Variants in GRIA3 observed in about 807,000 individuals in gnomAD.
GRIA3 encodes the protein glutamate receptor 3.
A neutral mutation model predicts 63.0 loss-of-function variants in GRIA3; 3 were observed. The ratio of observed to expected loss-of-function variants is 0.05; its 90% CI spans 0.02 to 0.12. The LOEUF (loss-of-function observed/expected upper bound fraction) is 0.12, where lower values mean the gene tolerates loss of function less well. Ranked by LOEUF, GRIA3 falls within the 10% of genes least tolerant of loss-of-function variation. GRIA3 has a pLI of 1.00. For missense variants in GRIA3, 347 were observed against 700.9 expected (o/e 0.50, Z 5.70); for synonymous variants, 274 against 257.9 (o/e 1.06, Z -0.60).
chrX:123,262,554 T>C lies in GRIA3; in HGVS notation c.508+9012T>C, dbSNP rs770736823. Among the ~76,000 whole-genome samples the C allele has an allele frequency of 2.6e-4, 29 of 112,327 alleles. 1 individual carries two copies. The South Asian group carries it at 0.01, about 40-fold the overall frequency. On this transcript the variant is annotated intron_variant, in intron 3 of 15. Transcript: ENST00000620443. The stretch of plus-strand genomic sequence containing the variant: ...TGGCAGTGAACCAATCTAGCATTTA[T>C]TGAGTGTCTCTTACTATGCCTAGAT...
At chrX:123,466,095 T>C (rs1424886000) in intron 13 of GRIA3, among the ~76,000 whole-genome samples, 1 of 111,333 alleles carries the variant, frequency 9.0e-6, no homozygotes, top group East Asian at 2.8e-4. Flanking sequence ...CTTTCAAGAG[T>C]CCAAGGCTTT....
At chrX:123,333,623 G>T (rs1382173767) in intron 4 of GRIA3, among the ~76,000 whole-genome samples, 1 of 111,763 alleles carries the variant, frequency 8.9e-6, no homozygotes. Flanking sequence ...GAAAAGCCTA[G>T]AACTTATTTT....
chrX:123,254,492 G>T (rs1357108294), intron 3 of GRIA3, among the ~76,000 whole-genome samples: 1 of 110,868 alleles, frequency 9.0e-6, no homozygotes, highest in Non-Finnish European at 1.9e-5. Context: ...ATAGGCTGGG[G>T]GTGGTTCTCT....
intron 12 of GRIA3, among the ~76,000 whole-genome samples, chrX:123,441,740 TAA>T (rs1243464757): frequency 1.8e-5 from 2 of 111,266 alleles, no homozygotes; most frequent in African/African-American, 3.3e-5. Flanking sequence ...AAGATAATCA[TAA>T]AAAGAGTCAA....
chrX:123,395,342 G>T (rs1435384758), intron 6 of GRIA3, among the ~76,000 whole-genome samples: 2 of 112,137 alleles, frequency 1.8e-5, no homozygotes, highest in African/African-American at 6.5e-5. Flanking sequence ...AAAATCCAGT[G>T]CTTGGAAATA....
intron 2 of GRIA3, among the ~76,000 whole-genome samples, chrX:123,244,252 G>A (rs1425378060): frequency 1.8e-5 from 2 of 111,901 alleles, no homozygotes; most frequent in Non-Finnish European, 3.8e-5. Flanking sequence ...TTCTGACTCT[G>A]AAACCTAAAA....
At chrX:123,186,872 G>A (rs1927293100) in intron 2 of GRIA3, among the ~76,000 whole-genome samples, 1 of 111,962 alleles carries the variant, frequency 8.9e-6, no homozygotes, top group Admixed American at 9.4e-5. Flanking sequence ...TGTACCGGGT[G>A]ATTATTCCTC....
intron 2 of GRIA3, among the ~76,000 whole-genome samples, chrX:123,220,780 G>A (rs768396142): frequency 1.6e-4 from 18 of 111,623 alleles, no homozygotes; most frequent in African/African-American, 4.9e-4. Context: ...CTACTTCATG[G>A]GCTGGCATAG....
chrX:123,465,411 C>T (rs1024898043), intron 13 of GRIA3, among the ~76,000 whole-genome samples: 2 of 111,218 alleles, frequency 1.8e-5, no homozygotes, highest in African/African-American at 6.5e-5. Context: ...CCATATGTGA[C>T]GAATGTTAAT....
chrX:123,430,453 T>C (rs1432040004), intron 12 of GRIA3, among the ~76,000 whole-genome samples: 2 of 111,215 alleles, frequency 1.8e-5, no homozygotes, highest in East Asian at 2.8e-4. Context: ...AAAAACCAAC[T>C]CCTTTAACCT....
chrX:123,337,695 C>A (rs1295061431), intron 4 of GRIA3, among the ~76,000 whole-genome samples: 1 of 111,283 alleles, frequency 9.0e-6, no homozygotes, highest in Non-Finnish European at 1.9e-5. Flanking sequence ...GACTAGGTAG[C>A]CAACGAGGGT....
intron 12 of GRIA3, among the ~76,000 whole-genome samples, chrX:123,440,239 T>C (rs1191672968): frequency 8.9e-6 from 1 of 112,613 alleles, no homozygotes; most frequent in African/African-American, 3.2e-5. Context: ...CTATTGTGAA[T>C]AGTGCTGCAG....
chrX:123,365,263 A>G (rs767003624), intron 5 of GRIA3, among the ~76,000 whole-genome samples: 2 of 111,819 alleles, frequency 1.8e-5, no homozygotes. Context: ...TTAATAATTA[A>G]AAAAGAAAGA....
intron 2 of GRIA3, among the ~76,000 whole-genome samples, chrX:123,232,663 C>A (rs750284880): frequency 9.0e-6 from 1 of 110,742 alleles, no homozygotes; most frequent in Non-Finnish European, 1.9e-5. Context: ...TATGCCTGCA[C>A]CAAAACATCT....
intron 4 of GRIA3, among the ~76,000 whole-genome samples, chrX:123,345,454 ACAC>A (rs2045040776): frequency 9.9e-6 from 1 of 101,505 alleles, no homozygotes; most frequent in Non-Finnish European, 2.0e-5. Context: ...ACACACACAC[ACAC>A]ACACACACAC....
chrX:123,282,979 G>A (rs1014682732), intron 3 of GRIA3, among the ~76,000 whole-genome samples: 5 of 106,426 alleles, frequency 4.7e-5, no homozygotes, highest in Non-Finnish European at 9.8e-5. Context: ...GAACAGCTCC[G>A]GTCTGCAGCT....
At chrX:123,424,196 C>A (rs1041967759) in intron 11 of GRIA3, among the ~76,000 whole-genome samples, 7 of 111,853 alleles carry the variant, frequency 6.3e-5, no homozygotes, top group African/African-American at 2.3e-4. Context: ...AATGACAGGT[C>A]TTTTTAACTC....
At chrX:123,268,390 A>G (rs16997274) in intron 3 of GRIA3, among the ~76,000 whole-genome samples, 3,147 of 110,305 alleles carry the variant, frequency 0.029, 120 homozygotes, top group African/African-American at 0.097. Flanking sequence ...CATTTGGCAC[A>G]GTATGAAAGG....
chrX:123,445,061 G>A (rs1246098538), intron 12 of GRIA3, among the ~76,000 whole-genome samples: 1 of 111,789 alleles, frequency 8.9e-6, no homozygotes, highest in Non-Finnish European at 1.9e-5. Context: ...ATCAATTTTC[G>A]AATCAGTGCA....
Sources: allele counts gnomAD v4.1 joint callset (sites outside exome capture counted in the v4.1 genomes callset), GRCh38; gene constraint gnomAD v4.1.1; transcripts MANE v1.5; gene names NCBI Gene and HGNC (gene_info 2026-07-23, HGNC 2026-07-21).